The following NRP1 variants were observed in gnomAD, a reference collection of about 807,000 sequenced individuals.
NRP1 encodes the protein neuropilin 1.
NRP1 carries 35 observed loss-of-function variants against 106.7 expected under a neutral mutation model. The ratio of observed to expected loss-of-function variants is 0.33; its 90% CI spans 0.25 to 0.43. The LOEUF (loss-of-function observed/expected upper bound fraction) is 0.43, where lower values mean the gene tolerates loss of function less well. Among genes scored for constraint, NRP1 ranks in the 20% least tolerant of loss-of-function variants. The probability of loss-of-function intolerance (pLI) is 1.00; values close to 1 mark genes in which losing one functional copy is unlikely to be tolerated. For synonymous variants in NRP1, 437 were observed against 417.9 expected (o/e 1.05, Z -0.56); for missense variants, 1,024 against 1,170.4 (o/e 0.87, Z 1.83).
intron 6 of NRP1, among the ~76,000 whole-genome samples, chr10:33,234,915 G>A (rs1403115262): frequency 6.6e-6 from 1 of 152,176 alleles, no homozygotes; most frequent in African/African-American, 2.4e-5. Context: ...AGGGGCAGTG[G>A]AAGGGCTGGC....
At chr10:33,217,153 T>C (rs1229219511) in intron 8 of NRP1, among the ~76,000 whole-genome samples, 1 of 152,224 alleles carries the variant, frequency 6.6e-6, no homozygotes, top group African/African-American at 2.4e-5. Flanking sequence ...AGGCAATGTT[T>C]AGCTGGTAAT....
At chr10:33,313,928 C>T (rs910109491) in intron 2 of NRP1, among the ~76,000 whole-genome samples, 5 of 152,170 alleles carry the variant, frequency 3.3e-5, no homozygotes, top group Admixed American at 6.5e-5. Context: ...TAGTTTATTA[C>T]GTAAGTTCCT....
intron 4 of NRP1, among the ~76,000 whole-genome samples, chr10:33,259,047 C>T (rs1378874825): frequency 6.6e-6 from 1 of 152,156 alleles, no homozygotes; most frequent in Admixed American, 6.5e-5. Context: ...CCCCAGAATA[C>T]AAGCTTGCAA....
chr10:33,217,173 A>G (rs371730598), intron 8 of NRP1, among the ~76,000 whole-genome samples: 1 of 152,196 alleles, frequency 6.6e-6, no homozygotes, highest in African/African-American at 2.4e-5. Context: ...TGGGGACCAG[A>G]TGTTACCATT....
At chr10:33,301,582 G>A (rs1318490283) in intron 2 of NRP1, among the ~76,000 whole-genome samples, 1 of 152,074 alleles carries the variant, frequency 6.6e-6, no homozygotes, top group South Asian at 2.1e-4. Flanking sequence ...GGAAAAAGAC[G>A]ATCACGGTCC....
chr10:33,296,666 G>T (rs1335395264), intron 2 of NRP1, among the ~76,000 whole-genome samples: 2 of 152,186 alleles, frequency 1.3e-5, no homozygotes, highest in African/African-American at 2.4e-5. Context: ...TTAGGCAAGA[G>T]TCAGTGAGTC....
intron 10 of NRP1, among the ~76,000 whole-genome samples, chr10:33,204,029 T>C (rs886735838): frequency 6.6e-6 from 1 of 152,200 alleles, no homozygotes; most frequent in African/African-American, 2.4e-5. Context: ...GTCCTTTAAA[T>C]TTCGTTCAGA....
intron 2 of NRP1, among the ~76,000 whole-genome samples, chr10:33,327,124 A>G (rs1564493270): frequency 6.6e-6 from 1 of 151,060 alleles, no homozygotes; most frequent in Non-Finnish European, 1.5e-5. Context: ...GAAGTTGACT[A>G]TACAAATACT....
intron 6 of NRP1, among the ~76,000 whole-genome samples, chr10:33,253,399 A>G (rs1841996274): frequency 6.6e-6 from 1 of 152,138 alleles, no homozygotes; most frequent in Non-Finnish European, 1.5e-5. Context: ...AAAGCGAGGA[A>G]AGCAGAGGTA....
intron 2 of NRP1, among the ~76,000 whole-genome samples, chr10:33,289,288 C>A (rs1335576896): frequency 6.6e-6 from 1 of 152,152 alleles, no homozygotes; most frequent in African/African-American, 2.4e-5. Context: ...ACAACAACAT[C>A]TCTTCAGAAG....
intron 2 of NRP1, among the ~76,000 whole-genome samples, chr10:33,303,823 C>A (rs138606871): frequency 1.1e-3 from 162 of 152,314 alleles, no homozygotes; most frequent in African/African-American, 3.8e-3. Flanking sequence ...TTGACCGTGA[C>A]CCCTTCAAGG....
chr10:33,318,917 G>GT (rs1002050582), intron 2 of NRP1, among the ~76,000 whole-genome samples: 22 of 151,492 alleles, frequency 1.5e-4, no homozygotes, highest in African/African-American at 4.8e-4. Context: ...TGTTCCCAGT[G>GT]TAACTGATCA....
Position 33,185,650 on chromosome 10 carries a change from G to A in NRP1, c.2409C>T (p.His803=). Residue 803 remains histidine, a synonymous_variant, in exon 15 of 17, where the codon CAC becomes CAT. Coordinates refer to ENST00000374867, the MANE Select transcript of NRP1 (RefSeq NM_003873.7). ...IAVDDISINN[H]ISQEDCAKPA... ...TACTTGCACAATCTTCTTGTGAAAT[G>A]TGGTTATTAATACTAATGTCATCCA... The A allele has an allele frequency of 2.5e-6, 4 of 1,613,932 alleles. No individual in the cohort carries two copies. Among genetic ancestry groups the A allele is most frequent in the Non-Finnish European group, 3.4e-6 (4 of 1,179,808 alleles).
At chr10:33,200,031 T>C (rs999720196) in intron 11 of NRP1, among the ~76,000 whole-genome samples, 2 of 152,196 alleles carry the variant, frequency 1.3e-5, no homozygotes, top group African/African-American at 4.8e-5. Context: ...CATGTGTGCA[T>C]GGCCTCAATA....
intron 6 of NRP1, among the ~76,000 whole-genome samples, chr10:33,234,720 G>T (rs1002740025): frequency 2.0e-5 from 3 of 152,294 alleles, no homozygotes; most frequent in South Asian, 4.1e-4. Flanking sequence ...TTTTCTTTTA[G>T]TCTTAATTGC....
At chr10:33,236,955 C>G (rs1329708145) in intron 6 of NRP1, among the ~76,000 whole-genome samples, 1 of 152,078 alleles carries the variant, frequency 6.6e-6, no homozygotes, top group Non-Finnish European at 1.5e-5. Flanking sequence ...TGAGACGTAG[C>G]GCAATTAAGA....
Position 33,207,694 on chromosome 10 carries a change from T to C in NRP1, c.1637A>G (p.Tyr546Cys). ...KAKSFEGNNN[Y>C]DTPELRTFPA... ...AAAAGTCCGCAGCTCAGGTGTATCA[T>C]AGTTGTTGTTGCCCTCAAAAGACTG... is the stretch of plus-strand genomic sequence containing the variant. Residue 546 changes from tyrosine (Y) to cysteine (C), a missense_variant, in exon 10 of 17, where the codon TAT becomes TGT. This residue lies in a region of NRP1 where 562 missense variants were observed against 620.3 expected (regional missense o/e 0.91). Coordinates refer to ENST00000374867, the MANE Select transcript of NRP1 (RefSeq NM_003873.7). The C allele has an allele frequency of 6.2e-7, 1 of 1,613,766 alleles. No homozygotes were observed. Among genetic ancestry groups the C allele is most frequent in the Non-Finnish European group, 8.5e-7 (1 of 1,179,944 alleles).
intron 3 of NRP1, 103 bp from the exon 4 acceptor site, chr10:33,263,976 G>A (rs1157448846): frequency 1.2e-5 from 9 of 741,404 alleles, no homozygotes; most frequent in African/African-American, 5.3e-5. Context: ...ATAAAAGCCC[G>A]CCAGTATAAC....
intron 8 of NRP1, among the ~76,000 whole-genome samples, chr10:33,215,901 G>A (rs1489859536): frequency 6.6e-6 from 1 of 152,140 alleles, no homozygotes; most frequent in South Asian, 2.1e-4. Flanking sequence ...TTTAACCAGT[G>A]CCAATTGGCA....
Sources: gnomAD v4.1 joint callset for allele counts (sites outside exome capture counted in the v4.1 genomes callset) on GRCh38, gnomAD v4.1.1 for gene constraint, gnomAD v4.1.1 regional missense constraint, MANE v1.5 for transcripts, NCBI Gene and HGNC (gene_info 2026-07-23, HGNC 2026-07-21) for gene names.